The following ATRNL1 variants were observed in gnomAD, a reference collection of about 807,000 sequenced individuals.
ATRNL1 encodes the protein attractin-like protein 1.
In ATRNL1, 95 loss-of-function variants were observed where a neutral mutation model predicts 182.7. The observed-to-expected ratio is 0.52, with a 90% CI of 0.44 to 0.62. ATRNL1 has a LOEUF of 0.62. Among genes scored for constraint, ATRNL1 ranks in the 20% least tolerant of loss-of-function variants. ATRNL1 has a pLI of 0.00. For synonymous variants in ATRNL1, 576 were observed against 568.3 expected, an observed-to-expected ratio of 1.01 and a Z score of -0.19; for missense variants, 1,471 against 1,679.5, an observed-to-expected ratio of 0.88 and a Z score of 2.17.
rs1384116790 is a variant in ATRNL1 at position 115,200,851 on chromosome 10, A to C, written c.1349-14846A>C. 2.7e-5 allele frequency among the ~76,000 whole-genome samples: 4 copies of C among 148,692 alleles called. No homozygotes were observed. In the South Asian group the frequency reaches 6.6e-4, roughly 25 times the overall value. ...TAGTTTACAGTCCCACCAACAGTGT[A>C]AAAGTGTTCCTATTTCTCCACATCC... On this transcript the variant is annotated intron_variant, in intron 8 of 28. Coordinates refer to ENST00000355044, the MANE Select transcript of ATRNL1 (RefSeq NM_207303.4).
At chr10:115,788,082 G>A (rs1949439150) in intron 27 of ATRNL1, among the ~76,000 whole-genome samples, 1 of 152,128 alleles carries the variant, frequency 6.6e-6, no homozygotes, top group South Asian at 2.1e-4. Flanking sequence ...ATTTTCCCTT[G>A]GAAAATATGA....
chr10:115,633,451 A>C (rs1219269347), intron 26 of ATRNL1, among the ~76,000 whole-genome samples: 1 of 152,196 alleles, frequency 6.6e-6, no homozygotes, highest in Non-Finnish European at 1.5e-5. Flanking sequence ...TAAGGAAACA[A>C]GTTTATTATT....
intron 21 of ATRNL1, among the ~76,000 whole-genome samples, chr10:115,432,580 G>A (rs1291806228): frequency 6.6e-6 from 1 of 152,146 alleles, no homozygotes; most frequent in Non-Finnish European, 1.5e-5. Context: ...TGAGTGCAAT[G>A]TGGTATTAAC....
At chr10:115,722,431 A>G (rs781821463) in intron 26 of ATRNL1, among the ~76,000 whole-genome samples, 21 of 152,216 alleles carry the variant, frequency 1.4e-4, no homozygotes, top group Non-Finnish European at 2.8e-4. Context: ...AGATTTAGTT[A>G]TATAAAATGG....
chr10:115,528,002 CTTCCTTCCTTCCTTCCTTCCT>C (rs1554987136), intron 25 of ATRNL1, among the ~76,000 whole-genome samples: 2 of 50,128 alleles, frequency 4.0e-5, no homozygotes, highest in African/African-American at 1.3e-4. Flanking sequence ...CCCTCCCTTC[CTTCCTTCCTTCCTTCCTTCCT>C]TCCCTCCTTC....
intron 8 of ATRNL1, among the ~76,000 whole-genome samples, chr10:115,197,180 G>T (rs1339329286): frequency 1.3e-5 from 2 of 151,634 alleles, no homozygotes; most frequent in Non-Finnish European, 2.9e-5. Flanking sequence ...GAATGGTATT[G>T]ATTGACTTTT....
chr10:115,882,638 T>C (rs1021365553), intron 28 of ATRNL1, among the ~76,000 whole-genome samples: 20 of 152,248 alleles, frequency 1.3e-4, no homozygotes, highest in Middle Eastern at 3.4e-3. Flanking sequence ...CAACTCTCCT[T>C]TGTGGTTTTA....
Position 115,562,806 on chromosome 10 carries a change from G to T in ATRNL1, c.3795+13270G>T, listed in dbSNP as rs145426692. On this transcript the variant is annotated intron_variant, in intron 26 of 28. Coordinates refer to ENST00000355044, the MANE Select transcript of ATRNL1 (RefSeq NM_207303.4). ...TGCTGACCTGTGAGTCAATTAAGCC[G>T]CTTTACCAGTCTCAAGTATGTCTTG... Among the ~76,000 whole-genome samples, 10 of 152,260 alleles carry T rather than the reference G, an allele frequency of 6.6e-5. No homozygotes were observed. The East Asian group carries it at 1.9e-3, about 29-fold the overall frequency.
rs527525501 is a variant in ATRNL1 at position 115,902,246 on chromosome 10, T to G, written c.4019-42412T>G. Among the ~76,000 whole-genome samples the G allele has an allele frequency of 3.7e-4, 57 of 152,292 alleles. No individual in the cohort carries two copies. The East Asian group carries it at 9.7e-3, about 26-fold the overall frequency. ...TGCTCTGCAGACACACTTAGTAACA[T>G]CATCTTCCTAAAGAACAAAATTACC... is the stretch of plus-strand genomic sequence containing the variant. On this transcript the variant is annotated intron_variant, in intron 28 of 28. Transcript: ENST00000355044.
intron 27 of ATRNL1, among the ~76,000 whole-genome samples, chr10:115,774,453 A>C (rs966655517): frequency 3.3e-4 from 41 of 125,846 alleles, no homozygotes; most frequent in African/African-American, 1.1e-3. Flanking sequence ...AAAAAAAAAA[A>C]ATTAGATTAG....
At chr10:115,597,413 A>G (rs1273280018) in intron 26 of ATRNL1, among the ~76,000 whole-genome samples, 1 of 152,198 alleles carries the variant, frequency 6.6e-6, no homozygotes, top group African/African-American at 2.4e-5. Flanking sequence ...ACACAATTTT[A>G]GAAAATTGTA....
At chr10:115,205,002 A>T (rs184955067) in intron 8 of ATRNL1, among the ~76,000 whole-genome samples, 130 of 152,162 alleles carry the variant, frequency 8.5e-4, no homozygotes, top group Admixed American at 8.5e-3. Flanking sequence ...TAACATCTTA[A>T]CTTAGATCAC....
intron 19 of ATRNL1, among the ~76,000 whole-genome samples, chr10:115,355,627 G>A (rs1364370840): frequency 1.3e-5 from 2 of 151,910 alleles, no homozygotes; most frequent in African/African-American, 4.8e-5. Context: ...TTCAAATCAT[G>A]AAATATACAG....
At chr10:115,120,137 A>C in intron 1 of ATRNL1, 48 bp from the exon 2 acceptor site, 1 of 1,163,112 alleles carries the variant, frequency 8.6e-7, no homozygotes, top group Non-Finnish European at 1.3e-6. Flanking sequence ...TATATGTCTT[A>C]AAGTTATTTT....
chr10:115,230,911 G>GAGAGAGAGAGAGAGAGAGAGAGAGAA (rs1849911770), intron 9 of ATRNL1, among the ~76,000 whole-genome samples: 1 of 112,028 alleles, frequency 8.9e-6, no homozygotes, highest in Non-Finnish European at 2.0e-5. Context: ...GAGAGAGAGA[G>GAGAGAGAGAGAGAGAGAGAGAGAGAA]AGAGAGAGAG....
chr10:115,738,138 T>TTTTTTGTTTTTTTTG (rs1948020387), intron 27 of ATRNL1, among the ~76,000 whole-genome samples: 1 of 97,570 alleles, frequency 1.0e-5, no homozygotes, highest in African/African-American at 3.7e-5. Flanking sequence ...TTTTTTTTTT[T>TTTTTTGTTTTTTTTG]TTTTTTTTTT....
chr10:115,426,376 A>T, intron 21 of ATRNL1, 74 bp downstream of exon 21: 2 of 1,065,108 alleles, frequency 1.9e-6, no homozygotes, highest in Non-Finnish European at 2.7e-6. Context: ...GGTCATCTTG[A>T]ATAACTAAAA....
chr10:115,093,956 G>A lies in ATRNL1; in HGVS notation c.206G>A (p.Cys69Tyr). The change falls in exon 1 of 29, where the codon TGC (cysteine) becomes TAC (tyrosine). Residue 69 changes from cysteine to tyrosine, a missense_variant. Around this residue, in one of 3 missense-constraint regions of ATRNL1, gnomAD observed 1,031 missense variants for 1,156.0 expected, o/e 0.89. Transcript: ENST00000355044. This position sits in a 1 kb window ranked among gnomAD's most constrained non-coding sequence, Gnocchi z 6.1. ...AAGCCGTGCGAGAGGACCGGCTCCTGCTTCTCGGGCCGCTGTGTCAACTCC... is the reference window on the plus strand; with the variant it reads ...AAGCCGTGCGAGAGGACCGGCTCCTACTTCTCGGGCCGCTGTGTCAACTCC... ...QSKPCERTGS[C>Y]FSGRCVNSTC... The A allele has an allele frequency of 6.3e-7, 1 of 1,588,756 alleles. No individual in the cohort carries two copies. The highest frequency in any genetic ancestry group is 8.6e-7 in the Non-Finnish European group (1 of 1,169,498).
At chr10:115,155,490 C>T (rs1194799600) in intron 5 of ATRNL1, among the ~76,000 whole-genome samples, 1 of 152,006 alleles carries the variant, frequency 6.6e-6, no homozygotes, top group Non-Finnish European at 1.5e-5. Context: ...GGAAGCTCCA[C>T]AATTAAACTG....
Sources: allele counts gnomAD v4.1 joint callset (sites outside exome capture counted in the v4.1 genomes callset), GRCh38; gene constraint gnomAD v4.1.1; regional missense constraint gnomAD v4.1.1; non-coding constraint Gnocchi (gnomAD v3.1); transcripts MANE v1.5; gene names NCBI Gene and HGNC (gene_info 2026-07-23, HGNC 2026-07-21).